The following CACNA1E variants were observed in gnomAD, a reference collection of about 807,000 sequenced individuals.
The protein encoded by CACNA1E is calcium voltage-gated channel subunit alpha1 E.
In CACNA1E, 40 loss-of-function variants were observed where a neutral mutation model predicts 259.2. The ratio of observed to expected loss-of-function variants is 0.15; its 90% CI spans 0.12 to 0.20. The LOEUF (loss-of-function observed/expected upper bound fraction) is 0.20. Among genes scored for constraint, CACNA1E ranks in the 10% least tolerant of loss-of-function variants. The pLI is 1.00. For missense variants in CACNA1E, 1,874 were observed against 3,040.1 expected, an observed-to-expected ratio of 0.62 and a Z score of 9.02; for synonymous variants, 1,104 against 1,138.5, an observed-to-expected ratio of 0.97 and a Z score of 0.61.
At chr1:181,724,800 G>A (rs1233841306) in intron 17 of CACNA1E, among the ~76,000 whole-genome samples, 5 of 152,182 alleles carry the variant, frequency 3.3e-5, no homozygotes, top group Admixed American at 6.5e-5. Flanking sequence ...GCCCTCAAAG[G>A]AGTCCTTTCC....
chr1:181,666,725 C>T (rs944372231), intron 7 of CACNA1E, among the ~76,000 whole-genome samples: 4 of 151,544 alleles, frequency 2.6e-5, no homozygotes, highest in Non-Finnish European at 5.9e-5. Flanking sequence ...TATATATACA[C>T]ACACACACAC....
chr1:181,616,345 G>T lies in CACNA1E; in HGVS notation c.952-34993G>T, dbSNP rs557841054. On this transcript the variant is annotated intron_variant, in intron 6 of 47. Transcript: ENST00000367573. ...TTTGTTTGTTTGTTTGTTTTGTTTT[G>T]TTTTTTTTGTTTTTTATTGTGGTTT... is the stretch of plus-strand genomic sequence containing the variant. 5.1e-4 allele frequency among the ~76,000 whole-genome samples: 78 copies of T among 151,514 alleles called. 1 individual carries two copies. Among genetic ancestry groups the T allele is most frequent in the African/African-American group, 1.5e-3 (62 of 41,274 alleles).
At chr1:181,533,976 A>G (rs1667968869) in intron 3 of CACNA1E, among the ~76,000 whole-genome samples, 1 of 152,106 alleles carries the variant, frequency 6.6e-6, no homozygotes, top group South Asian at 2.1e-4. Context: ...TTATATAGGT[A>G]GAAAACTGTA....
chr1:181,630,331 C>G (rs959874922), intron 6 of CACNA1E, among the ~76,000 whole-genome samples: 1 of 151,746 alleles, frequency 6.6e-6, no homozygotes, highest in Non-Finnish European at 1.5e-5. Flanking sequence ...AACTCTCCAC[C>G]TCTTCCTGAG....
intron 1 of CACNA1E, among the ~76,000 whole-genome samples, chr1:181,378,897 T>A (rs1655279650): frequency 6.6e-6 from 1 of 152,130 alleles, no homozygotes; most frequent in Admixed American, 6.5e-5. Flanking sequence ...AGAACAAGGC[T>A]CACAAATATT....
At chr1:181,611,141 G>A (rs1402109890) in intron 6 of CACNA1E, among the ~76,000 whole-genome samples, 1 of 152,122 alleles carries the variant, frequency 6.6e-6, no homozygotes, top group Non-Finnish European at 1.5e-5. Context: ...GAGATAGTAA[G>A]GCATGCCTTC....
Position 181,756,012 on chromosome 1 carries a change from A to G in CACNA1E, c.4046A>G (p.Lys1349Arg). The change falls in exon 29 of 48, where the codon AAG becomes AGG. Residue 1349 changes from lysine to arginine, a missense_variant. Lys to Arg is a conservative substitution (Grantham distance 26). Coordinates refer to ENST00000367573, the MANE Select transcript of CACNA1E (RefSeq NM_001205293.3). ...NKMEVKGREW[K>R]RHEFHYDNII... Reference sequence around the variant, plus strand: ...ATGGAGGTGAAGGGCCGGGAATGGAAGCGCCATGAATTCCACTACGACAAC... The same window carrying G: ...ATGGAGGTGAAGGGCCGGGAATGGAGGCGCCATGAATTCCACTACGACAAC... 1.2e-6 allele frequency: 2 copies of G among 1,613,918 alleles called. No homozygotes were observed. The highest frequency in any genetic ancestry group is 1.7e-6 in the Non-Finnish European group (2 of 1,179,828).
chr1:181,409,625 G>A (rs1257927030), intron 1 of CACNA1E, among the ~76,000 whole-genome samples: 3 of 152,176 alleles, frequency 2.0e-5, no homozygotes, highest in African/African-American at 4.8e-5. Flanking sequence ...GTATAGATTC[G>A]AGTGTCCTTT....
chr1:181,649,984 C>T (rs1658615481), intron 6 of CACNA1E, among the ~76,000 whole-genome samples: 1 of 152,178 alleles, frequency 6.6e-6, no homozygotes, highest in African/African-American at 2.4e-5. Context: ...CAAACCTGCA[C>T]ATGTACCCTT....
chr1:181,377,232 G>T (rs889142043), intron 1 of CACNA1E, among the ~76,000 whole-genome samples: 2 of 152,160 alleles, frequency 1.3e-5, no homozygotes, highest in African/African-American at 2.4e-5. Flanking sequence ...AAGAGAGGTG[G>T]AGTTTTAGTT....
chr1:181,429,835 G>A (rs1476152871), intron 2 of CACNA1E, among the ~76,000 whole-genome samples: 1 of 152,208 alleles, frequency 6.6e-6, no homozygotes, highest in Non-Finnish European at 1.5e-5. Context: ...CATCTTAGGT[G>A]AAGTTTTAAC....
At chr1:181,783,316 C>G in intron 39 of CACNA1E, among the ~76,000 whole-genome samples, 1 of 152,290 alleles carries the variant, frequency 6.6e-6, no homozygotes, top group Non-Finnish European at 1.5e-5. Flanking sequence ...GCCACCTCCC[C>G]GAGCTGACTC....
intron 2 of CACNA1E, among the ~76,000 whole-genome samples, chr1:181,432,407 C>G (rs1659781417): frequency 6.6e-6 from 1 of 151,910 alleles, no homozygotes; most frequent in Non-Finnish European, 1.5e-5. Flanking sequence ...ATCGTTTCAA[C>G]TGAATCACAT....
chr1:181,764,121 T>C (rs989886714), intron 34 of CACNA1E, among the ~76,000 whole-genome samples: 2 of 152,190 alleles, frequency 1.3e-5, no homozygotes, highest in African/African-American at 4.8e-5. Flanking sequence ...ATGATGTGTT[T>C]CCTCTGCACA....
At chr1:181,667,080 G>A (rs1271796862) in intron 7 of CACNA1E, among the ~76,000 whole-genome samples, 1 of 152,060 alleles carries the variant, frequency 6.6e-6, no homozygotes, top group Non-Finnish European at 1.5e-5. Flanking sequence ...AAAATACACT[G>A]ACCACTATAA....
At position 181,737,606 on chromosome 1, in the gene CACNA1E, C is replaced by T. The variant is rs746010047; in HGVS notation, c.3504C>T (p.Ile1168=). Residue 1168 remains isoleucine (I), a synonymous_variant, in exon 23 of 48, where the codon ATC becomes ATT. Coordinates refer to ENST00000367573, the MANE Select transcript of CACNA1E (RefSeq NM_001205293.3). ...TCCTGGTGATTGCAGCCAGCAGCAT[C>T]GCCCTGGCGGCAGAGGACCCCGTCC... is the stretch of plus-strand genomic sequence containing the variant. ...CILLVIAASS[I]ALAAEDPVLT... 29 of 1,613,906 alleles carry T rather than the reference C, an allele frequency of 1.8e-5. No individual in the cohort carries two copies. Among genetic ancestry groups the T allele is most frequent in the South Asian group, 4.4e-5 (4 of 91,088 alleles).
At chr1:181,586,192 G>T (rs1310223886) in intron 6 of CACNA1E, among the ~76,000 whole-genome samples, 1 of 152,198 alleles carries the variant, frequency 6.6e-6, no homozygotes, top group African/African-American at 2.4e-5. Context: ...GAAGAGTGGA[G>T]TTGCCATTAA....
At position 181,664,375 on chromosome 1, in the gene CACNA1E, A is replaced by T. The variant is rs529204345; in HGVS notation, c.1055+12934A>T. ...GATAGTGCCAAACACTGTTCTCTAG[A>T]TGCTGGGGATTCAAAAATCCCTGCC... On this transcript the variant is annotated intron_variant, in intron 7 of 47. Coordinates refer to ENST00000367573, the MANE Select transcript of CACNA1E (RefSeq NM_001205293.3). Among the ~76,000 whole-genome samples the T allele has an allele frequency of 9.5e-4, 144 of 152,294 alleles. 1 individual carries two copies. Among genetic ancestry groups the T allele is most frequent in the African/African-American group, 3.4e-3 (142 of 41,566 alleles).
intron 2 of CACNA1E, among the ~76,000 whole-genome samples, chr1:181,449,943 T>G (rs747555042): frequency 1.8e-4 from 28 of 152,292 alleles, no homozygotes; most frequent in Admixed American, 3.9e-4. Flanking sequence ...TAGTCTGTTT[T>G]CACACTGCTA....
Sources: allele counts gnomAD v4.1 joint callset (sites outside exome capture counted in the v4.1 genomes callset), GRCh38; gene constraint gnomAD v4.1.1; transcripts MANE v1.5; gene names NCBI Gene and HGNC (gene_info 2026-07-23, HGNC 2026-07-21).